NOTCH1: variants seen among roughly 807,000 people sequenced by gnomAD.
NOTCH1 encodes the protein notch receptor 1.
Under a neutral mutation model 254.8 loss-of-function variants are expected in NOTCH1, and 37 were observed. The ratio of observed to expected loss-of-function variants is 0.15; its 90% CI spans 0.11 to 0.19. The LOEUF is 0.19. NOTCH1 is among the 10% of genes least tolerant of loss of function. NOTCH1 has a pLI of 1.00. For missense variants in NOTCH1, 2,972 were observed against 3,708.6 expected (o/e 0.80, Z 5.16); for synonymous variants, 1,731 against 1,618.1 (o/e 1.07, Z -1.68).
Position 136,504,800 on chromosome 9 carries a change from T to C in NOTCH1, c.4891A>G (p.Ile1631Val), listed in dbSNP as rs990403823. ...GCCCAGCCCTCGGCGGCACGCTTGATGGGGTGCTTGCGCAGCTCCTCCTCG... is the reference window on the plus strand; with the variant it reads ...GCCCAGCCCTCGGCGGCACGCTTGACGGGGTGCTTGCGCAGCTCCTCCTCG... ...GREEELRKHP[I>V]KRAAEGWAAP... The change falls in exon 26 of 34, where the codon ATC becomes GTC. Residue 1631 changes from isoleucine (I) to valine (V), a missense_variant. Ile to Val is a conservative substitution (Grantham distance 29). Coordinates refer to ENST00000651671, the MANE Select transcript of NOTCH1 (RefSeq NM_017617.5). The C allele has an allele frequency of 9.6e-6, 15 of 1,561,134 alleles. No individual in the cohort carries two copies. The South Asian group carries it at 1.4e-4, about 15-fold the overall frequency.
chr9:136,524,536 T>C (rs1284693396), intron 2 of NOTCH1, among the ~76,000 whole-genome samples: 1 of 152,034 alleles, frequency 6.6e-6, no homozygotes, highest in Non-Finnish European at 1.5e-5. Context: ...GCTTGGGCAG[T>C]AACAAAGGCC....
Position 136,545,742 on chromosome 9 carries a change from G to T in NOTCH1, c.45C>A (p.Pro15=). ...LAPLLCLALL[P]ALAARGPRCS... The stretch of plus-strand genomic sequence containing the variant: ...GGCGCCTACCTCGTGCGGCGAGCGC[G>T]GGCAGCAGCGCCAGGCAGAGCAGGG... The change falls in exon 1 of 34, where the codon CCC becomes CCA. Residue 15 remains proline, a synonymous_variant. Coordinates refer to ENST00000651671, the MANE Select transcript of NOTCH1 (RefSeq NM_017617.5). The surrounding 1 kb of genome is among the most constrained non-coding windows in gnomAD (Gnocchi z 6.8). The T allele has an allele frequency of 1.4e-6, 2 of 1,423,992 alleles. No homozygotes were observed. Among genetic ancestry groups the T allele is most frequent in the Non-Finnish European group, 1.8e-6 (2 of 1,092,914 alleles). The allele number at this position is 1,423,992 out of a possible 1,614,324, so 88.2% of individuals were successfully genotyped here.
chr9:136,496,970 C>A lies in NOTCH1; in HGVS notation c.6769G>T (p.Ala2257Ser), dbSNP rs587778572. 4 of 1,610,734 alleles carry A rather than the reference C, an allele frequency of 2.5e-6. No individual in the cohort carries two copies. Among genetic ancestry groups the A allele is most frequent in the Admixed American group, 3.3e-5 (2 of 59,828 alleles). The change falls in exon 34 of 34, where the codon GCG becomes TCG. Residue 2257 changes from alanine (A) to serine (S), a missense_variant. Physicochemically the swap from Ala to Ser is moderately conservative, Grantham distance 99. Coordinates refer to ENST00000651671, the MANE Select transcript of NOTCH1 (RefSeq NM_017617.5). Reference sequence around the variant, plus strand: ...GCCAGCCGGCCGCCCCCACCCAGCGCCGCCATCTCGGGCTTGGCCGCCACG... The same window carrying A: ...GCCAGCCGGCCGCCCCCACCCAGCGACGCCATCTCGGGCTTGGCCGCCACG... Reference protein sequence around the residue: ...LNVAAKPEMAALGGGGRLAFE... With the variant: ...LNVAAKPEMASLGGGGRLAFE...
At chr9:136,517,437 T>G (rs766039829) in intron 8 of NOTCH1, 52 bp from the exon 9 acceptor site, 1 of 1,226,346 alleles carries the variant, frequency 8.2e-7, no homozygotes, top group South Asian at 1.3e-5. Flanking sequence ...AGTGCCCCAC[T>G]GGGCACAGCT....
At position 136,505,954 on chromosome 9, in the gene NOTCH1, C is replaced by T. The variant is rs11145764; in HGVS notation, c.4015-73G>A. The T allele has an allele frequency of 0.44, 603,574 of 1,383,866 alleles. 137,392 individuals are homozygous for T. Among genetic ancestry groups the T allele is most frequent in the East Asian group, 0.84 (33,803 of 40,132 alleles). 85.7% of individuals were successfully genotyped at this position (1,383,866 alleles called of 1,614,324 possible). A position where few individuals can be genotyped will look rare whatever the true frequency, so the allele number is the denominator to read the frequency against. On this transcript the variant is annotated intron_variant, in intron 24 of 33. Coordinates refer to ENST00000651671, the MANE Select transcript of NOTCH1 (RefSeq NM_017617.5). The stretch of plus-strand genomic sequence containing the variant: ...CCCCCCCGCCACCTCACACCCAGCC[C>T]TCGGCCAGCAGTGCCACCGCTCTCC...
At chr9:136,526,953 A>G (rs1843470288) in intron 2 of NOTCH1, among the ~76,000 whole-genome samples, 1 of 151,482 alleles carries the variant, frequency 6.6e-6, no homozygotes, top group African/African-American at 2.4e-5. Flanking sequence ...GTCCGCCCCC[A>G]CTCCCAGCCT....
chr9:136,518,443 A>C, intron 6 of NOTCH1, 148 bp downstream of exon 6: 5 of 1,128,984 alleles, frequency 4.4e-6, no homozygotes, highest in Non-Finnish European at 3.9e-6. Context: ...GTTCCGGGGG[A>C]CTCACAGCGA....
At position 136,513,668 on chromosome 9, in the gene NOTCH1, G is replaced by C. The variant is rs1026204807; in HGVS notation, c.2208-131C>G. 9.8e-7 allele frequency: 1 copy of C among 1,020,748 alleles called. No homozygotes were observed. The highest frequency in any genetic ancestry group is 1.5e-6 in the Non-Finnish European group (1 of 682,922). The allele number at this position is 1,020,748 out of a possible 1,614,324, so 63.2% of individuals were successfully genotyped here. ...CCACTCAGACTCGCAGAGTCCTTTA[G>C]TGGGGGCAGGCTGGGCGCTGTGGCT... On this transcript the variant is annotated intron_variant, in intron 13 of 33. Transcript: ENST00000651671. The surrounding 1 kb of genome is among the most constrained non-coding windows in gnomAD (Gnocchi z 4.7).
rs2133315300 is a variant in NOTCH1 at position 136,496,386 on chromosome 9, C to G, written c.7353G>C (p.Leu2451=). 2 of 1,597,560 alleles carry G rather than the reference C, an allele frequency of 1.3e-6. No individual in the cohort carries two copies. The highest frequency in any genetic ancestry group is 1.7e-6 in the Non-Finnish European group (2 of 1,178,010). Residue 2451 remains leucine (L), a synonymous_variant, in exon 34 of 34, where the codon CTG becomes CTC. Transcript: ENST00000651671. ...CCTGGGGCAGAATAGTGTGCACCGC[C>G]AGGCTGCTGGGGCCCAGTGGCTGCA... ...ADVQPLGPSS[L]AVHTILPQES... is the part of the protein sequence containing the mutation.
intron 18 of NOTCH1, 118 bp from the exon 19 acceptor site, chr9:136,509,189 G>T: frequency 9.5e-7 from 1 of 1,055,192 alleles, no homozygotes; most frequent in Non-Finnish European, 1.4e-6. Context: ...TGATGGCCAG[G>T]ACAGGCCCAG....
intron 2 of NOTCH1, among the ~76,000 whole-genome samples, chr9:136,524,634 CTTTTCTTTTT>C (rs1206363689): frequency 3.9e-5 from 5 of 127,780 alleles, no homozygotes; most frequent in Non-Finnish European, 3.2e-5. Context: ...CTTTCTTTTT[CTTTTCTTTTT>C]TTTTTTTTTT....
In NOTCH1 at chr9:136,520,759, G is replaced by A. The variant is rs147736902; in HGVS notation, c.743-1194C>T. The stretch of plus-strand genomic sequence containing the variant: ...AAAAAAAAAAAAAAATTCAGAGCCT[G>A]GAGCCTGAGTCCCGGTCCCACTCAT... On this transcript the variant is annotated intron_variant, in intron 4 of 33. Coordinates refer to ENST00000651671, the MANE Select transcript of NOTCH1 (RefSeq NM_017617.5). 2.6e-5 allele frequency among the ~76,000 whole-genome samples: 4 copies of A among 152,074 alleles called. No individual in the cohort carries two copies. In the East Asian group the frequency reaches 7.8e-4, roughly 29 times the overall value.
At chr9:136,526,978 A>G (rs952733189) in intron 2 of NOTCH1, among the ~76,000 whole-genome samples, 1 of 152,094 alleles carries the variant, frequency 6.6e-6, no homozygotes, top group African/African-American at 2.4e-5. Context: ...ATCGGACACC[A>G]CAGGGAAGGC....
chr9:136,499,403 G>A (rs549671291), intron 31 of NOTCH1, 144 bp from the exon 32 acceptor site: 5 of 1,241,992 alleles, frequency 4.0e-6, no homozygotes, highest in South Asian at 1.4e-5. Flanking sequence ...CGGGCAAGAC[G>A]AAACGCCATG....
intron 2 of NOTCH1, among the ~76,000 whole-genome samples, chr9:136,538,219 A>G (rs1470756282): frequency 6.6e-6 from 1 of 152,058 alleles, no homozygotes; most frequent in Non-Finnish European, 1.5e-5. Flanking sequence ...CAGGGCCACA[A>G]GGAGAACCCA....
rs751007903 is a variant in NOTCH1 at position 136,496,760 on chromosome 9, G to C, written c.6979C>G (p.Arg2327Gly). 2 of 1,612,828 alleles carry C rather than the reference G, an allele frequency of 1.2e-6. No individual in the cohort carries two copies. Among genetic ancestry groups the C allele is most frequent in the Non-Finnish European group, 1.7e-6 (2 of 1,179,992 alleles). ...AGGGGGCCTGGTGCCACACTCCCCC[G>C]CAGAGGGTTGTATTGGTTCGGCACC... is the stretch of plus-strand genomic sequence containing the variant. Reference protein sequence around the residue: ...GMVPNQYNPLRGSVAPGPLST... With the variant: ...GMVPNQYNPLGGSVAPGPLST... The change falls in exon 34 of 34, where the codon CGG becomes GGG. Residue 2327 changes from arginine (R) to glycine (G), a missense_variant. Transcript: ENST00000651671.
Position 136,513,069 on chromosome 9 carries a change from T to C in NOTCH1, c.2419A>G (p.Ile807Val). Residue 807 changes from isoleucine to valine, a missense_variant, in exon 15 of 34, where the codon ATT (isoleucine) becomes GTT (valine). Around this residue, in one of 8 missense-constraint regions of NOTCH1, gnomAD observed 1,343 missense variants for 1,557.0 expected, o/e 0.86. Coordinates refer to ENST00000651671, the MANE Select transcript of NOTCH1 (RefSeq NM_017617.5). This position sits in a 1 kb window ranked among gnomAD's most constrained non-coding sequence, Gnocchi z 4.7. ...CACTTGTACCCGGCAACGTCGTCAA[T>C]ACACGTGCCCTGGTTCAGACATGGG... ...SNPCLNQGTCIDDVAGYKCNC... is the reference protein window; with the variant it reads ...SNPCLNQGTCVDDVAGYKCNC... The C allele has an allele frequency of 7.1e-7, 1 of 1,416,156 alleles. No homozygotes were observed. The highest frequency in any genetic ancestry group is 9.4e-7 in the Non-Finnish European group (1 of 1,059,518). The allele number at this position is 1,416,156 out of a possible 1,614,324, so 87.7% of individuals were successfully genotyped here. A position where few individuals can be genotyped will look rare whatever the true frequency, so the allele number is the denominator to read the frequency against.
chr9:136,500,011 G>A (rs940597021), intron 31 of NOTCH1, among the ~76,000 whole-genome samples: 1 of 152,186 alleles, frequency 6.6e-6, no homozygotes, highest in Admixed American at 6.5e-5. Flanking sequence ...CTGGGGACTC[G>A]CAGCAGGGGT....
chr9:136,496,454 G>A lies in NOTCH1; in HGVS notation c.7285C>T (p.Leu2429=), dbSNP rs1357861424. The A allele has an allele frequency of 6.2e-7, 1 of 1,600,426 alleles. No homozygotes were observed. Among genetic ancestry groups the A allele is most frequent in the Non-Finnish European group, 8.5e-7 (1 of 1,179,870 alleles). ...LGVSSAASGH[L]GRSFLSGEPS... ...TCTCCACTCAGGAAGCTCCGGCCCAGGTGGCCGCTGGCTGCTGAGCTCACG... is the reference window on the plus strand; with the variant it reads ...TCTCCACTCAGGAAGCTCCGGCCCAAGTGGCCGCTGGCTGCTGAGCTCACG... The change falls in exon 34 of 34, where the codon CTG becomes TTG. Residue 2429 remains leucine (L), a synonymous_variant. Coordinates refer to ENST00000651671, the MANE Select transcript of NOTCH1 (RefSeq NM_017617.5).
Sources: allele counts gnomAD v4.1 joint callset (sites outside exome capture counted in the v4.1 genomes callset), GRCh38; gene constraint gnomAD v4.1.1; regional missense constraint gnomAD v4.1.1; non-coding constraint Gnocchi (gnomAD v3.1); transcripts MANE v1.5; gene names NCBI Gene and HGNC (gene_info 2026-07-23, HGNC 2026-07-21).